Variants in TCF4 observed in about 807,000 individuals in gnomAD.
TCF4 encodes SL3-3 enhancer factor 2.
Under a neutral mutation model 82.1 loss-of-function variants are expected in TCF4, and 3 were observed. The ratio of observed to expected loss-of-function variants is 0.04; its 90% CI spans 0.02 to 0.09. The LOEUF (loss-of-function observed/expected upper bound fraction) is 0.09, where lower values mean the gene tolerates loss of function less well. TCF4 is among the 10% of genes least tolerant of loss of function. The probability of loss-of-function intolerance (pLI) is 1.00; values close to 1 mark genes in which losing one functional copy is unlikely to be tolerated. For missense variants in TCF4, 518 were observed against 852.7 expected (o/e 0.61, Z 4.89); for synonymous variants, 276 against 309.6 (o/e 0.89, Z 1.14).
intron 3 of TCF4, among the ~76,000 whole-genome samples, chr18:55,560,240 G>A (rs2097343364): frequency 6.6e-6 from 1 of 152,136 alleles, no homozygotes; most frequent in Non-Finnish European, 1.5e-5. Flanking sequence ...TATATGCAGT[G>A]CGTAATGCAA....
At chr18:55,347,194 C>T (rs997438960) in intron 8 of TCF4, among the ~76,000 whole-genome samples, 6 of 151,990 alleles carry the variant, frequency 3.9e-5, no homozygotes, top group East Asian at 1.9e-4. Context: ...CTAAGGTCTT[C>T]GCAAAAAACG....
chr18:55,430,191 C>CT (rs2095143072), intron 5 of TCF4, among the ~76,000 whole-genome samples: 1 of 152,146 alleles, frequency 6.6e-6, no homozygotes, highest in South Asian at 2.1e-4. Context: ...ACTCTTATCT[C>CT]TATCAATCAC....
intron 3 of TCF4, among the ~76,000 whole-genome samples, chr18:55,519,313 A>G (rs2096912834): frequency 6.6e-6 from 1 of 152,026 alleles, no homozygotes; most frequent in African/African-American, 2.4e-5. Context: ...CCACACCTGT[A>G]TTCCCAGCTA....
At chr18:55,272,895 A>C (rs1053066394) in intron 10 of TCF4, among the ~76,000 whole-genome samples, 13 of 152,122 alleles carry the variant, frequency 8.5e-5, no homozygotes, top group Non-Finnish European at 1.5e-4. Context: ...CAAAAAAATA[A>C]AAGAAAACAG....
intron 6 of TCF4, among the ~76,000 whole-genome samples, chr18:55,382,673 C>A (rs572043792): frequency 1.9e-4 from 29 of 152,214 alleles, no homozygotes; most frequent in South Asian, 1.0e-3. Context: ...AAAAGGAAGT[C>A]ATTTATCATC....
At chr18:55,296,281 C>T (rs1434465726) in intron 8 of TCF4, among the ~76,000 whole-genome samples, 1 of 152,122 alleles carries the variant, frequency 6.6e-6, no homozygotes, top group Admixed American at 6.5e-5. Context: ...GTGGAAGAAG[C>T]CTGAAGCTCT....
At chr18:55,385,327 CTCT>C (rs1167641026) in intron 6 of TCF4, among the ~76,000 whole-genome samples, 1 of 152,222 alleles carries the variant, frequency 6.6e-6, no homozygotes, top group Admixed American at 6.5e-5. Context: ...TTTTATTCAA[CTCT>C]TCTTCTTCAC....
At chr18:55,417,616 C>T (rs545075060) in intron 5 of TCF4, among the ~76,000 whole-genome samples, 4 of 152,306 alleles carry the variant, frequency 2.6e-5, no homozygotes, top group East Asian at 3.9e-4. Context: ...GAACTCTGTA[C>T]ATCCTGCTAA....
chr18:55,300,567 A>T (rs2067930842), intron 8 of TCF4, among the ~76,000 whole-genome samples: 1 of 151,378 alleles, frequency 6.6e-6, no homozygotes, highest in South Asian at 2.1e-4. Context: ...ATCAACCTGC[A>T]ATTGCTGCAA....
At chr18:55,448,355 C>A (rs895022106) in intron 5 of TCF4, among the ~76,000 whole-genome samples, 1 of 152,280 alleles carries the variant, frequency 6.6e-6, no homozygotes, top group East Asian at 1.9e-4. Context: ...TACAGCCTTA[C>A]AAGCCTACAC....
chr18:55,376,505 C>T (rs905937151), intron 6 of TCF4, among the ~76,000 whole-genome samples: 1 of 152,164 alleles, frequency 6.6e-6, no homozygotes, highest in South Asian at 2.1e-4. Context: ...ACCTCCAACC[C>T]AATTCTTCTT....
chr18:55,296,532 C>T (rs898144623), intron 8 of TCF4, among the ~76,000 whole-genome samples: 3 of 151,544 alleles, frequency 2.0e-5, no homozygotes, highest in East Asian at 1.9e-4. Flanking sequence ...TAAGAGAGGG[C>T]GTCCTTCATC....
At chr18:55,373,659 C>G (rs958831574) in intron 6 of TCF4, among the ~76,000 whole-genome samples, 1 of 151,466 alleles carries the variant, frequency 6.6e-6, no homozygotes, top group Non-Finnish European at 1.5e-5. Context: ...CTAAAAAAAA[C>G]AAAATGTAGC....
At chr18:55,514,847 T>C (rs1318619734) in intron 3 of TCF4, among the ~76,000 whole-genome samples, 2 of 152,172 alleles carry the variant, frequency 1.3e-5, no homozygotes, top group Non-Finnish European at 2.9e-5. Flanking sequence ...AATAGTACAA[T>C]TTTTATATAA....
chr18:55,331,262 C>A (rs1375902963), intron 8 of TCF4, among the ~76,000 whole-genome samples: 1 of 152,142 alleles, frequency 6.6e-6, no homozygotes, highest in Admixed American at 6.5e-5. Flanking sequence ...CACACCAGAT[C>A]TGCAGCTCTC....
chr18:55,230,192 GA>G (rs1424233661), intron 17 of TCF4: 1 of 146,936 alleles, frequency 6.8e-6, no homozygotes, highest in Non-Finnish European at 1.5e-5. Context: ...TTCTAATTGT[GA>G]AAACCAAAAT....
chr18:55,409,653 T>C (rs1433709477), intron 5 of TCF4, among the ~76,000 whole-genome samples: 1 of 152,232 alleles, frequency 6.6e-6, no homozygotes, highest in Non-Finnish European at 1.5e-5. Flanking sequence ...ATCAGGTTAC[T>C]ATATATTTGT....
At chr18:55,336,896 T>C (rs936072047) in intron 8 of TCF4, among the ~76,000 whole-genome samples, 2 of 152,164 alleles carry the variant, frequency 1.3e-5, no homozygotes, top group Admixed American at 1.3e-4. Context: ...CAATTATGTA[T>C]GCATGATTTA....
At chr18:55,476,597 T>C (rs987976996) in intron 3 of TCF4, among the ~76,000 whole-genome samples, 20 of 151,878 alleles carry the variant, frequency 1.3e-4, no homozygotes, top group African/African-American at 4.8e-4. Context: ...CACCTCACCC[T>C]CCTGAGTAGC....
Sources: gnomAD v4.1 joint callset for allele counts (sites outside exome capture counted in the v4.1 genomes callset) on GRCh38, gnomAD v4.1.1 for gene constraint, MANE v1.5 for transcripts, NCBI Gene and HGNC (gene_info 2026-07-23, HGNC 2026-07-21) for gene names.